ZMYM2: variants seen among roughly 807,000 people sequenced by gnomAD.
ZMYM2 encodes the protein zinc finger MYM-type protein 2.
ZMYM2 carries 56 observed loss-of-function variants against 162.8 expected under a neutral mutation model. The observed-to-expected ratio is 0.34, with a 90% CI of 0.28 to 0.43. ZMYM2 has a LOEUF of 0.43. Ranked by LOEUF, ZMYM2 falls within the 20% of genes least tolerant of loss-of-function variation. The probability of loss-of-function intolerance (pLI) is 1.00; values close to 1 mark genes in which losing one functional copy is unlikely to be tolerated. For synonymous variants in ZMYM2, 510 were observed against 541.6 expected (o/e 0.94, Z 0.81); for missense variants, 1,275 against 1,621.8 (o/e 0.79, Z 3.67).
At chr13:20,048,324 AAAT>A (rs1955006636) in intron 12 of ZMYM2, among the ~76,000 whole-genome samples, 3 of 151,946 alleles carry the variant, frequency 2.0e-5, no homozygotes, top group Admixed American at 6.6e-5. Context: ...ATTTTTAGGA[AAAT>A]AATATTTAAT....
chr13:20,017,545 T>G (rs1222208753), intron 6 of ZMYM2, among the ~76,000 whole-genome samples: 1 of 152,170 alleles, frequency 6.6e-6, no homozygotes, highest in Non-Finnish European at 1.5e-5. Flanking sequence ...AACAGTAGTG[T>G]TTTTGGAGGA....
intron 21 of ZMYM2, chr13:20,072,043 C>A (rs1593232483): frequency 5.8e-6 from 1 of 173,310 alleles, no homozygotes; most frequent in East Asian, 1.2e-4. Context: ...GTAAGGAATT[C>A]CGATTCATCT....
intron 3 of ZMYM2, among the ~76,000 whole-genome samples, chr13:19,994,242 A>G (rs1362947872): frequency 2.0e-5 from 3 of 152,240 alleles, no homozygotes; most frequent in African/African-American, 7.2e-5. Flanking sequence ...GCACTTTGGG[A>G]GGCCAAGGTG....
At chr13:20,005,641 C>T (rs1950681853) in intron 5 of ZMYM2, among the ~76,000 whole-genome samples, 1 of 152,128 alleles carries the variant, frequency 6.6e-6, no homozygotes, top group Non-Finnish European at 1.5e-5. Flanking sequence ...TTGATAACCT[C>T]ACATTATTAA....
chr13:19,873,729 C>T, the ZMYM2 span, among the ~76,000 whole-genome samples: 5 of 151,016 alleles, frequency 3.3e-5, no homozygotes, highest in African/African-American at 1.2e-4. Flanking sequence ...TAAACATGTT[C>T]CTCTGGTGAT....
At chr13:20,019,706 C>A in intron 7 of ZMYM2, 88 bp downstream of exon 7, 1 of 1,228,744 alleles carries the variant, frequency 8.1e-7, no homozygotes, top group Non-Finnish European at 1.2e-6. Flanking sequence ...AAAATCTTGT[C>A]CAATTTGAAA....
chr13:20,017,739 A>G (rs1951745727), intron 6 of ZMYM2, among the ~76,000 whole-genome samples: 1 of 150,456 alleles, frequency 6.6e-6, no homozygotes, highest in Admixed American at 6.6e-5. Context: ...GATTCTTTCC[A>G]TTTTATTCTT....
At chr13:19,912,292 G>GTTTTT in the ZMYM2 span, among the ~76,000 whole-genome samples, 3 of 75,714 alleles carry the variant, frequency 4.0e-5, no homozygotes, top group East Asian at 9.3e-4. Context: ...TGTTTTTTGG[G>GTTTTT]TTTTTTTTTT....
intron 2 of ZMYM2, among the ~76,000 whole-genome samples, chr13:19,980,752 C>CA (rs914320015): frequency 0.15 from 4,419 of 30,402 alleles, 652 homozygotes; most frequent in African/African-American, 0.3. Context: ...GACTCCATCT[C>CA]AAAAAAAAAA....
the ZMYM2 span, among the ~76,000 whole-genome samples, chr13:19,884,860 G>A: frequency 1.3e-5 from 2 of 152,018 alleles, no homozygotes; most frequent in African/African-American, 4.8e-5. Context: ...CATCACAATT[G>A]CGGGTGCGGG....
intron 10 of ZMYM2, among the ~76,000 whole-genome samples, chr13:20,031,865 G>GTTTTTTTTTTTTTT (rs10642086): frequency 5.4e-5 from 7 of 130,272 alleles, no homozygotes; most frequent in Admixed American, 1.7e-4. Context: ...TTCTGTAATT[G>GTTTTTTTTTTTTTT]TTTTTTTTTT....
upstream of ZMYM2, among the ~76,000 whole-genome samples, chr13:19,957,891 C>G (rs747605949): frequency 2.0e-5 from 3 of 152,214 alleles, no homozygotes; most frequent in Non-Finnish European, 4.4e-5. Flanking sequence ...TGCCCGTCCC[C>G]TGTGGCCCCG....
At chr13:20,001,167 G>A (rs777317226) in intron 3 of ZMYM2, among the ~76,000 whole-genome samples, 12 of 152,168 alleles carry the variant, frequency 7.9e-5, no homozygotes, top group Non-Finnish European at 1.0e-4. Flanking sequence ...TGAGGCAAAT[G>A]GATCGGTTGA....
chr13:19,989,406 C>T (rs1156748184), intron 2 of ZMYM2, among the ~76,000 whole-genome samples: 1 of 152,052 alleles, frequency 6.6e-6, no homozygotes, highest in Non-Finnish European at 1.5e-5. Context: ...CAGGTTCAAG[C>T]GATTTTCGTG....
the ZMYM2 span, among the ~76,000 whole-genome samples, chr13:19,891,490 C>A: frequency 6.6e-6 from 1 of 150,524 alleles, no homozygotes; most frequent in Non-Finnish European, 1.5e-5. Flanking sequence ...AAGGATATAA[C>A]CCTAACCAGG....
At chr13:20,018,487 C>T (rs1319509429) in intron 6 of ZMYM2, among the ~76,000 whole-genome samples, 4 of 152,084 alleles carry the variant, frequency 2.6e-5, no homozygotes, top group African/African-American at 9.7e-5. Flanking sequence ...CCTTACTTTC[C>T]TCTCACCCCC....
chr13:19,898,932 CTTT>C, the ZMYM2 span, among the ~76,000 whole-genome samples: 2 of 134,590 alleles, frequency 1.5e-5, no homozygotes, highest in African/African-American at 2.7e-5. Context: ...GACCCCACTT[CTTT>C]TTTTTTTTTT....
the ZMYM2 span, among the ~76,000 whole-genome samples, chr13:19,903,483 C>CAAAAAAAAAAAAA: frequency 3.0e-4 from 25 of 83,714 alleles, no homozygotes; most frequent in Admixed American, 4.8e-4. Flanking sequence ...ACTAAAAATA[C>CAAAAAAAAAAAAA]AAAAAAAAAA....
At chr13:19,920,579 A>G in the ZMYM2 span, among the ~76,000 whole-genome samples, 3 of 151,578 alleles carry the variant, frequency 2.0e-5, no homozygotes, top group Non-Finnish European at 4.4e-5. Context: ...GGAGGTGATT[A>G]AGGGGAAAGA....
Sources: allele counts gnomAD v4.1 joint callset (sites outside exome capture counted in the v4.1 genomes callset), GRCh38; gene constraint gnomAD v4.1.1; transcripts MANE v1.5; gene names NCBI Gene and HGNC (gene_info 2026-07-23, HGNC 2026-07-21).